Variants in CDX4 observed in about 807,000 individuals in gnomAD.
The protein encoded by CDX4 is caudal type homeobox 4, also known as homeobox protein CDX-4.
A neutral mutation model predicts 14.1 loss-of-function variants in CDX4; 11 were observed. That is an observed-to-expected ratio of 0.78 (90% confidence interval 0.49 to 1.29). The LOEUF is 1.29. CDX4 is among the 50% of genes most tolerant of loss of function. CDX4 has a pLI of 0.00. For missense variants in CDX4, 257 were observed against 237.4 expected (o/e 1.08, Z -0.54); for synonymous variants, 100 against 93.5 (o/e 1.07, Z -0.40).
In CDX4 at chrX:73,447,453, C is replaced by A. The variant is rs145092385; in HGVS notation, c.200C>A (p.Pro67Gln). Residue 67 changes from proline (P) to glutamine (Q), a missense_variant, in exon 1 of 3, where the codon CCG (proline) becomes CAG (glutamine). By Grantham distance (76) the Pro-to-Gln change is moderately conservative. Coordinates refer to ENST00000373514, the MANE Select transcript of CDX4 (RefSeq NM_005193.2). ...PHMPSMDPHW[P>Q]SLGVWGSPYS... The stretch of plus-strand genomic sequence containing the variant: ...ATGCCCAGCATGGATCCTCACTGGC[C>A]GTCTCTGGGAGTCTGGGGCTCACCC... 2.7e-3 allele frequency: 3,230 copies of A among 1,209,612 alleles called. 6 individuals carry two copies. The highest frequency in any genetic ancestry group is 3.3e-3 in the Non-Finnish European group (2,965 of 894,806).
intron 2 of CDX4, 107 bp downstream of exon 2, chrX:73,453,769 C>A: frequency 1.6e-6 from 1 of 628,601 alleles, no homozygotes; most frequent in Non-Finnish European, 2.4e-6. Context: ...AAGTAGCTTG[C>A]ATTTCAACCA....
chrX:73,455,062 A>G lies in CDX4; in HGVS notation c.*477A>G, dbSNP rs1173365887. 8.9e-6 allele frequency: 1 copy of G among 112,785 alleles called. No homozygotes were observed. The highest frequency in any genetic ancestry group is 2.8e-4 in the East Asian group (1 of 3,580). 9.3% of individuals were successfully genotyped at this position (112,785 alleles called of 1,213,427 possible). A position where few individuals can be genotyped will look rare whatever the true frequency, so the allele number is the denominator to read the frequency against. On this transcript the variant is annotated 3_prime_UTR_variant, in exon 3 of 3. Coordinates refer to ENST00000373514, the MANE Select transcript of CDX4 (RefSeq NM_005193.2). ...CCAAGTGTTTAATTCAAAAGCTAAC[A>G]GAATTTTTATAATAAGATAAATGTT...
chrX:73,448,416 C>T (rs2057077657), intron 1 of CDX4, among the ~76,000 whole-genome samples: 1 of 112,343 alleles, frequency 8.9e-6, no homozygotes, highest in African/African-American at 3.2e-5. Context: ...TTTCTTCTAA[C>T]CCAAGTGTTG....
In CDX4 at chrX:73,454,727, T is replaced by G; in HGVS notation, c.*142T>G. 1 of 452,306 alleles carries G rather than the reference T, an allele frequency of 2.2e-6. No individual in the cohort carries two copies. Among genetic ancestry groups the G allele is most frequent in the Non-Finnish European group, 3.8e-6 (1 of 263,129 alleles). 37.3% of individuals were successfully genotyped at this position (452,306 alleles called of 1,213,427 possible). A position where few individuals can be genotyped will look rare whatever the true frequency, so the allele number is the denominator to read the frequency against. On this transcript the variant is annotated 3_prime_UTR_variant, in exon 3 of 3. Transcript: ENST00000373514. ...AGATGGATGCACAATGGGTTGAAGATAATTTAGGGGACTCTTACTTTTAGA... is the reference window on the plus strand; with the variant it reads ...AGATGGATGCACAATGGGTTGAAGAGAATTTAGGGGACTCTTACTTTTAGA...
At position 73,447,300 on chromosome X, in the gene CDX4, G is replaced by A. The variant is rs2057073013; in HGVS notation, c.47G>A (p.Gly16Asp). 4.1e-6 allele frequency: 5 copies of A among 1,210,975 alleles called. No homozygotes were observed. The African/African-American group carries it at 5.2e-5, about 13-fold the overall frequency. The change falls in exon 1 of 3, where the codon GGC (glycine) becomes GAC (aspartate). Residue 16 changes from glycine (G) to aspartate (D), a missense_variant. Physicochemically the swap from Gly to Asp is moderately conservative, Grantham distance 94. Coordinates refer to ENST00000373514, the MANE Select transcript of CDX4 (RefSeq NM_005193.2). ...GAGAAAGAAGCAGGCATGTACCCGG[G>A]CACTCTCATGAGCCCTGGGGGCGAC... ...LLEKEAGMYP[G>D]TLMSPGGDGT...
intron 1 of CDX4, among the ~76,000 whole-genome samples, chrX:73,448,268 G>A (rs2057077280): frequency 9.1e-6 from 1 of 110,435 alleles, no homozygotes; most frequent in Admixed American, 9.6e-5. Context: ...GGCTGGCAAC[G>A]GACCCTCCAG....
At chrX:73,448,708 C>T (rs1259076107) in intron 1 of CDX4, among the ~76,000 whole-genome samples, 1 of 111,612 alleles carries the variant, frequency 9.0e-6, no homozygotes, top group Non-Finnish European at 1.9e-5. Flanking sequence ...TTAACCGGGG[C>T]TGGGGGAGGA....
intron 1 of CDX4, among the ~76,000 whole-genome samples, chrX:73,453,011 G>C (rs1283079143): frequency 8.9e-6 from 1 of 111,927 alleles, no homozygotes; most frequent in African/African-American, 3.2e-5. Flanking sequence ...CATAATTCAA[G>C]AAGGTAGGTA....
chrX:73,447,214 C>A lies in CDX4; in HGVS notation c.-40C>A, dbSNP rs1468517050. ...AAGTCGAGTTGGGGCCTTACAGGGA[C>A]TTCAGGATGGCTTAGGGAGCGCCTT... On this transcript the variant is annotated 5_prime_UTR_variant, in exon 1 of 3. Transcript: ENST00000373514. 1.7e-6 allele frequency: 2 copies of A among 1,183,367 alleles called. No individual in the cohort carries two copies. The highest frequency in any genetic ancestry group is 3.8e-5 in the South Asian group (2 of 53,099).
chrX:73,448,778 T>C (rs769099413), intron 1 of CDX4, among the ~76,000 whole-genome samples: 2 of 112,300 alleles, frequency 1.8e-5, no homozygotes, highest in Non-Finnish European at 3.8e-5. Context: ...CCTCGCTCCC[T>C]GTCATTAGAG....
chrX:73,447,706 G>A lies in CDX4; in HGVS notation c.453G>A (p.Arg151=). 9 of 1,199,918 alleles carry A rather than the reference G, an allele frequency of 7.5e-6. No individual in the cohort carries two copies. Among genetic ancestry groups the A allele is most frequent in the Non-Finnish European group, 1.0e-5 (9 of 892,587 alleles). ...CCGCCAAGGCCAGTTCCCCCAGCAG[G>A]AGCCGCCACAGCCCCTATGCATGGA... ...AGAAKASSPS[R]SRHSPYAWMR... The change falls in exon 1 of 3, where the codon AGG becomes AGA. Residue 151 remains arginine, a synonymous_variant. Coordinates refer to ENST00000373514, the MANE Select transcript of CDX4 (RefSeq NM_005193.2).
In CDX4 at chrX:73,454,887, A is replaced by G. The variant is rs2057102120; in HGVS notation, c.*302A>G. 4.4e-6 allele frequency: 1 copy of G among 225,091 alleles called. No homozygotes were observed. Among genetic ancestry groups the G allele is most frequent in the South Asian group, 1.5e-4 (1 of 6,709 alleles). 18.6% of individuals were successfully genotyped at this position (225,091 alleles called of 1,213,427 possible). On this transcript the variant is annotated 3_prime_UTR_variant, in exon 3 of 3. Coordinates refer to ENST00000373514, the MANE Select transcript of CDX4 (RefSeq NM_005193.2). ...TGTTCACAATTTCAGAAACTTGCTT[A>G]TGAATAGACTGTAAAATACAATTTT...
At chrX:73,451,009 TTAAC>T (rs1391845474) in intron 1 of CDX4, among the ~76,000 whole-genome samples, 1 of 111,553 alleles carries the variant, frequency 9.0e-6, no homozygotes, top group Non-Finnish European at 1.9e-5. Flanking sequence ...CCATCCATCT[TTAAC>T]TACAGAAGTT....
intron 1 of CDX4, among the ~76,000 whole-genome samples, chrX:73,448,805 G>A (rs1394071939): frequency 8.9e-6 from 1 of 112,021 alleles, no homozygotes; most frequent in Non-Finnish European, 1.9e-5. Context: ...AGTAAAAATC[G>A]ACTCTGAGTA....
intron 1 of CDX4, 142 bp from the exon 2 acceptor site, chrX:73,453,375 T>C: frequency 2.1e-6 from 1 of 483,213 alleles, no homozygotes; most frequent in Non-Finnish European, 3.4e-6. Flanking sequence ...AAATTGACTT[T>C]TATGAATATT....
intron 1 of CDX4, among the ~76,000 whole-genome samples, chrX:73,452,349 C>CA (rs1361080699): frequency 1.4e-4 from 15 of 109,184 alleles, no homozygotes; most frequent in Admixed American, 1.1e-3. Context: ...AGATCGCCCC[C>CA]AAAAAATCAC....
In CDX4 at chrX:73,453,611, C is replaced by T; in HGVS notation, c.597C>T (p.Thr199=). The T allele has an allele frequency of 8.3e-7, 1 of 1,204,053 alleles. No individual in the cohort carries two copies. The highest frequency in any genetic ancestry group is 1.1e-6 in the Non-Finnish European group (1 of 890,910). Residue 199 remains threonine, a synonymous_variant, in exon 2 of 3, where the codon ACC becomes ACT. Coordinates refer to ENST00000373514, the MANE Select transcript of CDX4 (RefSeq NM_005193.2). ...AATTCCATTGCAATAGATATATCAC[C>T]ATCCAGAGAAAATCAGAGCTGGCAG... ...EKEFHCNRYI[T]IQRKSELAVN...
chrX:73,448,434 C>A (rs193251904), intron 1 of CDX4, among the ~76,000 whole-genome samples: 35 of 112,376 alleles, frequency 3.1e-4, no homozygotes, highest in Admixed American at 3.0e-3. Context: ...TTGAGGCAGG[C>A]GAGAAGGCTA....
chrX:73,453,463 A>T, intron 1 of CDX4, 54 bp from the exon 2 acceptor site: 1 of 1,083,359 alleles, frequency 9.2e-7, no homozygotes, highest in South Asian at 2.1e-5. Flanking sequence ...CTTTAACTAA[A>T]ACAATCTCCA....
Sources: allele counts gnomAD v4.1 joint callset (sites outside exome capture counted in the v4.1 genomes callset), GRCh38; gene constraint gnomAD v4.1.1; transcripts MANE v1.5; gene names NCBI Gene and HGNC (gene_info 2026-07-23, HGNC 2026-07-21).